The following KCNJ6 variants were observed in gnomAD, a reference collection of about 807,000 sequenced individuals.
The protein encoded by KCNJ6 is G protein-activated inward rectifier potassium channel 2.
Under a neutral mutation model 34.2 loss-of-function variants are expected in KCNJ6, and 9 were observed. That is an observed-to-expected ratio of 0.26 (90% CI 0.16 to 0.46). KCNJ6 has a LOEUF of 0.46. Ranked by LOEUF, KCNJ6 falls within the 20% of genes least tolerant of loss-of-function variation. The pLI, the probability that KCNJ6 is intolerant of heterozygous loss-of-function variation, is 1.00. For synonymous variants in KCNJ6, 196 were observed against 207.1 expected, an observed-to-expected ratio of 0.95 and a Z score of 0.46; for missense variants, 236 against 531.3, an observed-to-expected ratio of 0.44 and a Z score of 5.46.
At chr21:37,799,908 C>T (rs1482039260) in intron 2 of KCNJ6, among the ~76,000 whole-genome samples, 1 of 152,112 alleles carries the variant, frequency 6.6e-6, no homozygotes. Flanking sequence ...AAATTATTAT[C>T]TATGAATTTC....
At chr21:37,860,793 T>C (rs551654191) in intron 1 of KCNJ6, among the ~76,000 whole-genome samples, 43 of 152,298 alleles carry the variant, frequency 2.8e-4, no homozygotes, top group Non-Finnish European at 4.9e-4. Flanking sequence ...TGACACCATA[T>C]CTAGCATAGT....
intron 3 of KCNJ6, among the ~76,000 whole-genome samples, chr21:37,677,286 G>T (rs2054569059): frequency 6.6e-6 from 1 of 152,170 alleles, no homozygotes; most frequent in Admixed American, 6.5e-5. Context: ...GTTCCTGGTA[G>T]GCAGCCCTCA....
chr21:37,795,819 T>C (rs1050726872), intron 2 of KCNJ6, among the ~76,000 whole-genome samples: 4 of 148,294 alleles, frequency 2.7e-5, no homozygotes, highest in East Asian at 2.0e-4. Context: ...TAAAGAAAAA[T>C]AATCTCTTTA....
chr21:37,714,893 C>T lies in KCNJ6; in HGVS notation c.264G>A (p.Lys88=). ...CAAAAATCAATAGGTTGAATCTCCA[C>T]TTCAGGTCCACTAATGTGGTGAAGA... is the stretch of plus-strand genomic sequence containing the variant. ...TDIFTTLVDL[K]WRFNLLIFVM... is the part of the protein sequence containing the mutation. Residue 88 remains lysine, a synonymous_variant, in exon 3 of 4, where the codon AAG becomes AAA. Coordinates refer to ENST00000609713, the MANE Select transcript of KCNJ6 (RefSeq NM_002240.5). This position sits in a 1 kb window ranked among gnomAD's most constrained non-coding sequence, Gnocchi z 5.9. 6.2e-7 allele frequency: 1 copy of T among 1,614,262 alleles called. No homozygotes were observed. The highest frequency in any genetic ancestry group is 8.5e-7 in the Non-Finnish European group (1 of 1,180,058).
rs146663104 is a variant in KCNJ6 at position 37,745,367 on chromosome 21, C to T, written c.26-30236G>A. On this transcript the variant is annotated intron_variant, in intron 2 of 3. Coordinates refer to ENST00000609713, the MANE Select transcript of KCNJ6 (RefSeq NM_002240.5). Reference sequence around the variant, plus strand: ...AGACTCCTCAGTGCAAGTGAATCCTCCTCCCTTGGCCTCCCCAAATGCTGG... The same window carrying T: ...AGACTCCTCAGTGCAAGTGAATCCTTCTCCCTTGGCCTCCCCAAATGCTGG... Among the ~76,000 whole-genome samples the T allele has an allele frequency of 7.3e-4, 111 of 152,246 alleles. 1 individual carries two copies. The highest frequency in any genetic ancestry group is 2.5e-3 in the African/African-American group (103 of 41,526).
At chr21:37,912,830 T>C (rs2055873218) in intron 1 of KCNJ6, among the ~76,000 whole-genome samples, 1 of 152,154 alleles carries the variant, frequency 6.6e-6, no homozygotes, top group Non-Finnish European at 1.5e-5. Flanking sequence ...GCATGCAATA[T>C]CTTTAGAAAC....
chr21:37,756,449 G>A lies in KCNJ6; in HGVS notation c.26-41318C>T, dbSNP rs1054259779. 9.2e-5 allele frequency among the ~76,000 whole-genome samples: 14 copies of A among 152,316 alleles called. No individual in the cohort carries two copies. In the South Asian group the frequency reaches 1.9e-3, roughly 20 times the overall value. The stretch of plus-strand genomic sequence containing the variant: ...AGGGGACGTGCGTGGAAACAGAGGC[G>A]CAGTCTGGGTGAGGGGTCCAACCCT... On this transcript the variant is annotated intron_variant, in intron 2 of 3. Coordinates refer to ENST00000609713, the MANE Select transcript of KCNJ6 (RefSeq NM_002240.5).
intron 2 of KCNJ6, among the ~76,000 whole-genome samples, chr21:37,766,617 G>A (rs769310405): frequency 5.9e-5 from 9 of 152,210 alleles, no homozygotes; most frequent in Non-Finnish European, 1.2e-4. Flanking sequence ...GCACATGGTG[G>A]TGATTGGCTA....
At chr21:37,720,740 G>A (rs1221121064) in intron 2 of KCNJ6, among the ~76,000 whole-genome samples, 10 of 143,786 alleles carry the variant, frequency 7.0e-5, no homozygotes, top group East Asian at 2.0e-4. Flanking sequence ...TCGCTCTGTC[G>A]CCCAGGCCGG....
intron 2 of KCNJ6, among the ~76,000 whole-genome samples, chr21:37,819,826 C>G (rs1213052077): frequency 6.8e-6 from 1 of 146,706 alleles, no homozygotes; most frequent in East Asian, 2.0e-4. Context: ...TGGAGTTTCA[C>G]TCCTTGGAAT....
At chr21:37,783,333 C>T (rs556007971) in intron 2 of KCNJ6, among the ~76,000 whole-genome samples, 213 of 152,210 alleles carry the variant, frequency 1.4e-3, no homozygotes, top group African/African-American at 4.6e-3. Flanking sequence ...GGGAAGGACC[C>T]GGTGGACAAT....
At chr21:37,731,461 T>C (rs547558884) in intron 2 of KCNJ6, among the ~76,000 whole-genome samples, 24 of 152,338 alleles carry the variant, frequency 1.6e-4, no homozygotes, top group Non-Finnish European at 2.4e-4. Context: ...GAACATTTAT[T>C]GAACACCTAC....
At chr21:37,902,840 C>A (rs549554891) in intron 1 of KCNJ6, among the ~76,000 whole-genome samples, 5 of 152,268 alleles carry the variant, frequency 3.3e-5, no homozygotes, top group African/African-American at 1.2e-4. Context: ...ATTCAATGAC[C>A]TGGACATCTA....
chr21:37,730,825 G>A (rs2054880571), intron 2 of KCNJ6, among the ~76,000 whole-genome samples: 1 of 152,196 alleles, frequency 6.6e-6, no homozygotes, highest in South Asian at 2.1e-4. Context: ...CACAAAGGAG[G>A]TGGGAAATTA....
intron 3 of KCNJ6, among the ~76,000 whole-genome samples, chr21:37,699,739 A>C (rs1201180620): frequency 1.3e-5 from 2 of 152,172 alleles, no homozygotes; most frequent in Non-Finnish European, 2.9e-5. Flanking sequence ...TGATTTTGAG[A>C]CTGAAATCTG....
chr21:37,753,450 G>A (rs940935210), intron 2 of KCNJ6, among the ~76,000 whole-genome samples: 3 of 152,186 alleles, frequency 2.0e-5, no homozygotes, highest in Admixed American at 6.5e-5. Flanking sequence ...GCAGCAGAGT[G>A]TTCTGTTCGC....
intron 2 of KCNJ6, among the ~76,000 whole-genome samples, chr21:37,758,761 C>T (rs1245990822): frequency 2.6e-5 from 4 of 152,138 alleles, no homozygotes; most frequent in African/African-American, 9.7e-5. Context: ...GCCTCAGCCT[C>T]CCAGGACCAC....
At chr21:37,863,846 G>GTTTTTTTTT (rs772060420) in intron 1 of KCNJ6, among the ~76,000 whole-genome samples, 1,622 of 96,942 alleles carry the variant, frequency 0.017, 313 homozygotes, top group Middle Eastern at 0.023. Context: ...AAATATAAAG[G>GTTTTTTTTT]TTTTTTTTTT....
chr21:37,704,472 C>T (rs2054708438), intron 3 of KCNJ6, among the ~76,000 whole-genome samples: 2 of 152,208 alleles, frequency 1.3e-5, no homozygotes, highest in African/African-American at 4.8e-5. Context: ...GCCATCTCAG[C>T]TATCCCCTAT....
Sources: allele counts gnomAD v4.1 joint callset (sites outside exome capture counted in the v4.1 genomes callset), GRCh38; gene constraint gnomAD v4.1.1; non-coding constraint Gnocchi (gnomAD v3.1); transcripts MANE v1.5; gene names NCBI Gene and HGNC (gene_info 2026-07-23, HGNC 2026-07-21).